Variants in ZNF577 observed in about 807,000 individuals in gnomAD.
The protein encoded by ZNF577 is zinc finger protein 577.
ZNF577 carries 14 observed loss-of-function variants against 13.9 expected under a neutral mutation model. The observed-to-expected ratio is 1.00, with a 90% CI of 0.66 to 1.57. ZNF577 has a LOEUF of 1.57. Among genes scored for constraint, ZNF577 ranks in the 40% most tolerant of loss-of-function variants. The pLI is 0.00. For missense variants in ZNF577, 555 were observed against 579.2 expected (o/e 0.96, Z 0.43); for synonymous variants, 203 against 202.9 (o/e 1.00, Z 0.00).
intron 5 of ZNF577, among the ~76,000 whole-genome samples, chr19:51,877,052 T>A (rs2084776424): frequency 1.3e-5 from 2 of 152,046 alleles, no homozygotes; most frequent in South Asian, 4.1e-4. Flanking sequence ...TTCAAGGTCT[T>A]CGATGACATG....
At chr19:51,836,808 C>A (rs2084289593) in intron 9 of ZNF577, among the ~76,000 whole-genome samples, 1 of 152,128 alleles carries the variant, frequency 6.6e-6, no homozygotes, top group African/African-American at 2.4e-5. Context: ...CTTTGGGAGG[C>A]TGCGGCGGGT....
chr19:51,813,781 ACCTCGG>A (rs2084115075), intron 9 of ZNF577, among the ~76,000 whole-genome samples: 1 of 152,084 alleles, frequency 6.6e-6, no homozygotes, highest in African/African-American at 2.4e-5. Context: ...TGATCCACCC[ACCTCGG>A]CCTCCCAAAG....
chr19:51,880,255 A>G, intron 3 of ZNF577, 68 bp downstream of exon 3: 4 of 1,483,774 alleles, frequency 2.7e-6, no homozygotes, highest in Non-Finnish European at 3.8e-6. Context: ...CTTTGAGGAT[A>G]CCGTCAACCA....
intron 5 of ZNF577, among the ~76,000 whole-genome samples, chr19:51,860,042 T>C (rs534762086): frequency 6.6e-6 from 1 of 152,262 alleles, no homozygotes; most frequent in South Asian, 2.1e-4. Context: ...TCTGGAATCC[T>C]TTCTATAATA....
intron 9 of ZNF577, among the ~76,000 whole-genome samples, chr19:51,828,000 T>G (rs1352494769): frequency 2.0e-5 from 3 of 152,216 alleles, no homozygotes; most frequent in Non-Finnish European, 2.9e-5. Flanking sequence ...TTTGCACGTT[T>G]GACTCCTATA....
Position 51,869,736 on chromosome 19 carries a change from G to A in ZNF577, c.*2796C>T, listed in dbSNP as rs183235926. On this transcript the variant is annotated 3_prime_UTR_variant, in exon 6 of 6. Coordinates refer to ENST00000638348, the MANE Select transcript of ZNF577 (RefSeq NM_001370449.1). ...AATGGCCAAAGGCAGATGTGTGCCA[G>A]AAACCCCTACAGGGGCTAAACAGTC... Among the ~76,000 whole-genome samples the A allele has an allele frequency of 3.3e-5, 5 of 152,340 alleles. No homozygotes were observed. The highest frequency in any genetic ancestry group is 7.4e-5 in the Non-Finnish European group (5 of 68,018).
chr19:51,843,691 C>T (rs1002672168), intron 6 of ZNF577, among the ~76,000 whole-genome samples: 4 of 152,200 alleles, frequency 2.6e-5, no homozygotes, highest in African/African-American at 9.6e-5. Context: ...GTAGCAAATA[C>T]AGTCCTATGC....
chr19:51,885,399 C>G (rs2084928246), intron 1 of ZNF577, among the ~76,000 whole-genome samples: 2 of 152,182 alleles, frequency 1.3e-5, no homozygotes, highest in South Asian at 4.1e-4. Context: ...TGCCTGTTCT[C>G]TCAGTTACTG....
chr19:51,877,784 G>T (rs1313244088), intron 4 of ZNF577: 1 of 165,912 alleles, frequency 6.0e-6, no homozygotes, highest in Non-Finnish European at 1.3e-5. Flanking sequence ...TGGAAAGCAG[G>T]GTCTCAAAGA....
At chr19:51,851,688 A>G (rs2084379429) in intron 5 of ZNF577, among the ~76,000 whole-genome samples, 1 of 152,014 alleles carries the variant, frequency 6.6e-6, no homozygotes, top group African/African-American at 2.4e-5. Context: ...CTCAAACCCA[A>G]AATACAGACA....
intron 5 of ZNF577, among the ~76,000 whole-genome samples, chr19:51,851,138 A>G (rs1309616979): frequency 6.6e-6 from 1 of 152,234 alleles, no homozygotes; most frequent in Non-Finnish European, 1.5e-5. Flanking sequence ...GGTATCAGAA[A>G]TGAGGATAAA....
Position 51,873,114 on chromosome 19 carries a change from G to A in ZNF577, c.876C>T (p.His292=). Residue 292 remains histidine (H), a synonymous_variant, in exon 6 of 6, where the codon CAC becomes CAT. Coordinates refer to ENST00000638348, the MANE Select transcript of ZNF577 (RefSeq NM_001370449.1). ...KAYLTAHQRL[H]TGDKPYKCSD... is the part of the protein sequence containing the mutation. ...TGCATTTATAAGGCTTATCTCCTGT[G>A]TGAAGTCTCTGGTGTGCAGTGAGGT... is the stretch of plus-strand genomic sequence containing the variant. The A allele has an allele frequency of 6.2e-7, 1 of 1,614,226 alleles. No individual in the cohort carries two copies. The highest frequency in any genetic ancestry group is 1.3e-5 in the African/African-American group (1 of 75,060).
chr19:51,873,508 C>T lies in ZNF577; in HGVS notation c.482G>A (p.Ser161Asn), dbSNP rs770059258. ...CCTGGAGAAGGCTCTCCCGCACACA[C>T]TGCATTCATGTGGTTTCCCTCCTGC... ...ICAGGKPHEC[S>N]VCGRAFSRKA... The change falls in exon 6 of 6, where the codon AGT (serine) becomes AAT (asparagine). Residue 161 changes from serine (S) to asparagine (N), a missense_variant. Transcript: ENST00000638348. 6.2e-7 allele frequency: 1 copy of T among 1,614,220 alleles called. No individual in the cohort carries two copies. The highest frequency in any genetic ancestry group is 1.1e-5 in the South Asian group (1 of 91,090).
intron 4 of ZNF577, 155 bp downstream of exon 4, chr19:51,878,233 TG>T: frequency 2.6e-6 from 2 of 761,732 alleles, no homozygotes; most frequent in Non-Finnish European, 3.9e-6. Flanking sequence ...TGCACGCTTA[TG>T]GTTAAGACGG....
At chr19:51,886,208 AAACTT>A (rs1457137034) in intron 1 of ZNF577, 1 of 152,198 alleles carries the variant, frequency 6.6e-6, no homozygotes, top group African/African-American at 2.4e-5. Context: ...CACTTGAAAA[AAACTT>A]AAGAGACCAA....
chr19:51,849,856 T>A (rs10421731), intron 5 of ZNF577, among the ~76,000 whole-genome samples: 4 of 152,168 alleles, frequency 2.6e-5, no homozygotes, highest in South Asian at 2.1e-4. Flanking sequence ...TCCAGTTTAC[T>A]TATACAATGG....
At chr19:51,856,700 T>C (rs1417851715) in intron 5 of ZNF577, among the ~76,000 whole-genome samples, 3 of 152,190 alleles carry the variant, frequency 2.0e-5, no homozygotes, top group African/African-American at 7.2e-5. Context: ...GGATTTTTTT[T>C]CACCATTTAA....
At chr19:51,879,145 G>A (rs967327893) in intron 3 of ZNF577, among the ~76,000 whole-genome samples, 10 of 151,614 alleles carry the variant, frequency 6.6e-5, no homozygotes, top group East Asian at 1.9e-4. Context: ...TAGTCCCAGC[G>A]ACTTGGGAGG....
intron 3 of ZNF577, among the ~76,000 whole-genome samples, chr19:51,879,134 G>C (rs925184574): frequency 6.6e-6 from 1 of 152,026 alleles, no homozygotes; most frequent in African/African-American, 2.4e-5. Context: ...GTGGGCACCT[G>C]TAGTCCCAGC....
Sources: allele counts gnomAD v4.1 joint callset (sites outside exome capture counted in the v4.1 genomes callset), GRCh38; gene constraint gnomAD v4.1.1; transcripts MANE v1.5; gene names NCBI Gene and HGNC (gene_info 2026-07-23, HGNC 2026-07-21).